The following RRAGD variants were observed in gnomAD, a reference collection of about 807,000 sequenced individuals.
RRAGD encodes Ras related GTP binding D.
RRAGD carries 12 observed loss-of-function variants against 35.5 expected under a neutral mutation model. The observed-to-expected ratio is 0.34, with a 90% CI of 0.22 to 0.55. RRAGD has a LOEUF of 0.55. RRAGD is among the 20% of genes least tolerant of loss of function. The pLI is 0.91. For synonymous variants in RRAGD, 155 were observed against 178.9 expected (o/e 0.87, Z 1.07); for missense variants, 324 against 490.1 (o/e 0.66, Z 3.20).
intron 2 of RRAGD, among the ~76,000 whole-genome samples, chr6:89,384,146 G>A (rs1356494165): frequency 6.6e-6 from 1 of 151,708 alleles, no homozygotes; most frequent in Non-Finnish European, 1.5e-5. Context: ...CAAGTGCTGT[G>A]GAGACACTTC....
intron 1 of RRAGD, among the ~76,000 whole-genome samples, chr6:89,394,915 A>G (rs1769304798): frequency 6.6e-6 from 1 of 152,166 alleles, no homozygotes; most frequent in Non-Finnish European, 1.5e-5. Flanking sequence ...GGCTTTGAAA[A>G]GGAAAGAAAA....
chr6:89,391,197 C>T (rs1367293371), intron 1 of RRAGD, among the ~76,000 whole-genome samples: 1 of 152,008 alleles, frequency 6.6e-6, no homozygotes, highest in East Asian at 1.9e-4. Context: ...TCAGCCTGGG[C>T]AACATAGTAA....
intron 4 of RRAGD, 67 bp downstream of exon 4, chr6:89,379,157 T>C: frequency 1.3e-6 from 1 of 791,522 alleles, no homozygotes; most frequent in Non-Finnish European, 2.0e-6. Context: ...AAATAAGATC[T>C]TTTTCACTCT....
chr6:89,368,340 T>C, intron 6 of RRAGD, 133 bp from the exon 7 acceptor site: 2 of 649,800 alleles, frequency 3.1e-6, no homozygotes, highest in Non-Finnish European at 4.9e-6. Context: ...GAGATTTCCC[T>C]GGGATGTCTG....
intron 1 of RRAGD, among the ~76,000 whole-genome samples, chr6:89,389,677 C>T (rs1202976814): frequency 1.3e-5 from 2 of 152,004 alleles, no homozygotes; most frequent in African/African-American, 2.4e-5. Context: ...CCTAGAAAAC[C>T]GCTTAATTGG....
rs1388351641 is a variant in RRAGD, at chr6:89,364,985, T to C, written c.*3071A>G. On this transcript the variant is annotated 3_prime_UTR_variant, in exon 7 of 7. Coordinates refer to ENST00000369415, the MANE Select transcript of RRAGD (RefSeq NM_021244.5). ...ACATGGACTATACCTGATTACAAATTACATCCAGTCTGTACAAGTTGAATA... is the reference window on the plus strand; with the variant it reads ...ACATGGACTATACCTGATTACAAATCACATCCAGTCTGTACAAGTTGAATA... 1.3e-5 allele frequency: 2 copies of C among 152,236 alleles called. No homozygotes were observed. The highest frequency in any genetic ancestry group is 1.3e-4 in the Admixed American group (2 of 15,284). The allele number at this position is 152,236 out of a possible 1,614,324, so 9.4% of individuals were successfully genotyped here.
At chr6:89,373,546 A>G (rs1049163327) in intron 5 of RRAGD, among the ~76,000 whole-genome samples, 1 of 149,994 alleles carries the variant, frequency 6.7e-6, no homozygotes, top group African/African-American at 2.5e-5. Context: ...TGAACCCAGG[A>G]GGCAGACGTT....
At chr6:89,389,628 C>G (rs1321339999) in intron 1 of RRAGD, among the ~76,000 whole-genome samples, 8 of 150,624 alleles carry the variant, frequency 5.3e-5, no homozygotes, top group African/African-American at 1.9e-4. Context: ...TTCCTTCGTT[C>G]TTGAAACATA....
chr6:89,372,484 A>C lies in RRAGD; in HGVS notation c.1004T>G (p.Phe335Cys). The C allele has an allele frequency of 6.2e-7, 1 of 1,613,754 alleles. No homozygotes were observed. Among genetic ancestry groups the C allele is most frequent in the Non-Finnish European group, 8.5e-7 (1 of 1,179,898 alleles). Residue 335 changes from phenylalanine (F) to cysteine (C), a missense_variant, in exon 6 of 7, where the codon TTC becomes TGC. Physicochemically the swap from Phe to Cys is radical, Grantham distance 205. Coordinates refer to ENST00000369415, the MANE Select transcript of RRAGD (RefSeq NM_021244.5). The part of the protein sequence containing the change: ...TVLYLKEVTK[F>C]LALVCFVREE... ...TCTGACAAAGCAAACGAGAGCCAGG[A>C]ACTTTGTCACCTCTTTTAAATAAAG...
intron 2 of RRAGD, among the ~76,000 whole-genome samples, chr6:89,384,720 C>T (rs1370238846): frequency 6.7e-6 from 1 of 149,066 alleles, no homozygotes; most frequent in African/African-American, 2.5e-5. Context: ...GAGGCTGAGG[C>T]AGGAAAATGG....
In RRAGD at chr6:89,367,282, C is replaced by T. The variant is rs1357399138; in HGVS notation, c.*774G>A. 2 of 152,076 alleles carry T rather than the reference C, an allele frequency of 1.3e-5. No individual in the cohort carries two copies. Among genetic ancestry groups the T allele is most frequent in the African/African-American group, 4.8e-5 (2 of 41,400 alleles). The allele number at this position is 152,076 out of a possible 1,614,324, so 9.4% of individuals were successfully genotyped here. ...TCTTACTTCTCTCCAGTGTTCGGCA[C>T]CATTTTGGAAATCTGGTCCCAAAGT... On this transcript the variant is annotated 3_prime_UTR_variant, in exon 7 of 7. Transcript: ENST00000369415.
chr6:89,387,157 C>G lies in RRAGD; in HGVS notation c.444+138G>C, dbSNP rs573969262. 4 of 857,576 alleles carry G rather than the reference C, an allele frequency of 4.7e-6. No homozygotes were observed. The East Asian group carries it at 1.0e-4, about 22-fold the overall frequency. 53.1% of individuals were successfully genotyped at this position (857,576 alleles called of 1,614,324 possible). ...CACGGCTGGAGCCTTTTAACTTTGGCAAAGTCTGAGAGCCCTGACCAAGAA... is the reference window on the plus strand; with the variant it reads ...CACGGCTGGAGCCTTTTAACTTTGGGAAAGTCTGAGAGCCCTGACCAAGAA... On this transcript the variant is annotated intron_variant, in intron 2 of 6. Transcript: ENST00000369415.
At chr6:89,370,325 A>C (rs1768834255) in intron 6 of RRAGD, among the ~76,000 whole-genome samples, 1 of 152,258 alleles carries the variant, frequency 6.6e-6, no homozygotes, top group African/African-American at 2.4e-5. Context: ...CAATTTGGTC[A>C]GTCATGGTAC....
At position 89,364,925 on chromosome 6, in the gene RRAGD, C is replaced by A. The variant is rs576852836; in HGVS notation, c.*3131G>T. 186 of 152,320 alleles carry A rather than the reference C, an allele frequency of 1.2e-3. No homozygotes were observed. The highest frequency in any genetic ancestry group is 4.3e-3 in the African/African-American group (180 of 41,562). The allele number at this position is 152,320 out of a possible 1,614,324, so 9.4% of individuals were successfully genotyped here. A position where few individuals can be genotyped will look rare whatever the true frequency, so the allele number is the denominator to read the frequency against. ...AACATTCTTGAAAGCAATGGCTTAA[C>A]AATGGTTATTAAGTGATGTACTGCT... On this transcript the variant is annotated 3_prime_UTR_variant, in exon 7 of 7. Transcript: ENST00000369415.
intron 1 of RRAGD, among the ~76,000 whole-genome samples, chr6:89,409,776 C>T (rs927032873): frequency 1.3e-5 from 2 of 152,156 alleles, no homozygotes; most frequent in Non-Finnish European, 2.9e-5. Flanking sequence ...AAGTCAAAGC[C>T]AGGGAAATCT....
rs1365595197 is a variant in RRAGD, at chr6:89,411,952, G to A, written c.42C>T (p.Asp14=). ...CCTCCTCCTCCTCCTCCTCCGCGTC[G>A]TCCTCGTCCTGCGGCTGCGGCTTCC... ...VLGKPQPQDE[D]DAEEEEEEDE... Residue 14 remains aspartate, a synonymous_variant, in exon 1 of 7, where the codon GAC becomes GAT. Transcript: ENST00000369415. The surrounding 1 kb of genome is among the most constrained non-coding windows in gnomAD (Gnocchi z 5.6). 1.9e-6 allele frequency: 3 copies of A among 1,538,540 alleles called. No individual in the cohort carries two copies. The highest frequency in any genetic ancestry group is 2.5e-5 in the East Asian group (1 of 40,764).
chr6:89,376,303 GTGTGTGTGT>G (rs748018812), intron 5 of RRAGD, among the ~76,000 whole-genome samples: 1,830 of 36,264 alleles, frequency 0.05, 32 homozygotes, highest in African/African-American at 0.13. Context: ...TGTGTGTGGT[GTGTGTGTGT>G]GTGTGTGTGT....
chr6:89,376,550 C>T (rs1366298062), intron 5 of RRAGD, among the ~76,000 whole-genome samples: 1 of 152,108 alleles, frequency 6.6e-6, no homozygotes, highest in African/African-American at 2.4e-5. Flanking sequence ...ATAGCAACAC[C>T]TTAACATCTT....
intron 1 of RRAGD, among the ~76,000 whole-genome samples, chr6:89,405,590 C>T (rs1302853529): frequency 2.6e-5 from 4 of 151,886 alleles, no homozygotes; most frequent in African/African-American, 7.3e-5. Context: ...ACAGGACACA[C>T]GCAGGCACAC....
Sources: gnomAD v4.1 joint callset for allele counts (sites outside exome capture counted in the v4.1 genomes callset) on GRCh38, gnomAD v4.1.1 for gene constraint, Gnocchi (gnomAD v3.1) non-coding constraint, MANE v1.5 for transcripts, NCBI Gene and HGNC (gene_info 2026-07-23, HGNC 2026-07-21) for gene names.